The following DGKG variants were observed in gnomAD, a reference collection of about 807,000 sequenced individuals.
DGKG encodes diacylglycerol kinase gamma.
DGKG carries 78 observed loss-of-function variants against 105.3 expected under a neutral mutation model. The observed-to-expected ratio is 0.74, with a 90% CI of 0.62 to 0.89. The LOEUF (loss-of-function observed/expected upper bound fraction) is 0.89. Ranked by LOEUF, DGKG falls within the 40% of genes least tolerant of loss-of-function variation. The probability of loss-of-function intolerance (pLI) is 0.00; values close to 1 mark genes in which losing one functional copy is unlikely to be tolerated. For synonymous variants in DGKG, 346 were observed against 367.1 expected (o/e 0.94, Z 0.66); for missense variants, 958 against 1,020.1 (o/e 0.94, Z 0.83).
chr3:186,162,993 T>G (rs1227607088), intron 23 of DGKG, among the ~76,000 whole-genome samples: 3 of 152,082 alleles, frequency 2.0e-5, no homozygotes, highest in African/African-American at 4.8e-5. Context: ...GGCAAGGCTT[T>G]TCTGACCTTG....
At chr3:186,184,068 G>A (rs1717495279) in intron 22 of DGKG, among the ~76,000 whole-genome samples, 1 of 151,932 alleles carries the variant, frequency 6.6e-6, no homozygotes, top group African/African-American at 2.4e-5. Flanking sequence ...AACTTCAAAT[G>A]TGAATCAACT....
At chr3:186,288,934 A>G (rs1300333672) in intron 5 of DGKG, 54 bp from the exon 6 acceptor site, 20 of 1,477,598 alleles carry the variant, frequency 1.4e-5, no homozygotes, top group Non-Finnish European at 1.8e-5. Context: ...AGTAAATATT[A>G]ACCCCTCTTT....
intron 20 of DGKG, among the ~76,000 whole-genome samples, chr3:186,233,762 C>T (rs1434554106): frequency 2.6e-5 from 4 of 152,222 alleles, no homozygotes; most frequent in Non-Finnish European, 4.4e-5. Flanking sequence ...GGATTACAGG[C>T]GTGAGCCACC....
intron 1 of DGKG, among the ~76,000 whole-genome samples, chr3:186,323,318 A>G (rs1725171562): frequency 6.6e-6 from 1 of 152,224 alleles, no homozygotes; most frequent in Non-Finnish European, 1.5e-5. Flanking sequence ...TGCTGCTGCT[A>G]TCAATGAATG....
rs1436083869 is a variant in DGKG at position 186,306,901 on chromosome 3, C to T, written c.144G>A (p.Glu48=). The T allele has an allele frequency of 6.2e-7, 1 of 1,601,570 alleles. No homozygotes were observed. Among genetic ancestry groups the T allele is most frequent in the Non-Finnish European group, 8.6e-7 (1 of 1,169,118 alleles). ...GGSLKQYDPH[E]PISYDVFKLF... ...AGGCTTAAAATGGAAATGTTCTTACCTCATGTGGGTCATATTGTTTGAGGC... is the reference window on the plus strand; with the variant it reads ...AGGCTTAAAATGGAAATGTTCTTACTTCATGTGGGTCATATTGTTTGAGGC... Residue 48 remains glutamate (E), a splice_region_variant and synonymous_variant, in exon 3 of 25, where the codon GAG becomes GAA. Coordinates refer to ENST00000265022, the MANE Select transcript of DGKG (RefSeq NM_001346.3).
chr3:186,191,264 C>T (rs1447943531), intron 21 of DGKG, among the ~76,000 whole-genome samples: 1 of 152,228 alleles, frequency 6.6e-6, no homozygotes, highest in Non-Finnish European at 1.5e-5. Context: ...TCACCAATAT[C>T]TGTGTGCAAA....
At chr3:186,175,068 G>A (rs1717010393) in intron 22 of DGKG, among the ~76,000 whole-genome samples, 1 of 152,318 alleles carries the variant, frequency 6.6e-6, no homozygotes, top group South Asian at 2.1e-4. Flanking sequence ...GAATTGTGGT[G>A]TCTGTTCTGG....
At chr3:186,236,663 C>G (rs1031496531) in intron 20 of DGKG, among the ~76,000 whole-genome samples, 1 of 152,216 alleles carries the variant, frequency 6.6e-6, no homozygotes, top group African/African-American at 2.4e-5. Context: ...TTCTGGGGAG[C>G]CCCTCATCAG....
At chr3:186,339,953 T>C (rs758012139) in intron 1 of DGKG, among the ~76,000 whole-genome samples, 80 of 152,370 alleles carry the variant, frequency 5.3e-4, no homozygotes, top group Non-Finnish European at 9.7e-4. Flanking sequence ...GGAATAGTGG[T>C]ATCACCTTAC....
chr3:186,268,722 G>T, intron 12 of DGKG, 79 bp downstream of exon 12: 1 of 1,032,008 alleles, frequency 9.7e-7, no homozygotes, highest in South Asian at 1.3e-5. Flanking sequence ...CCCTCTGGCC[G>T]GATATTCACT....
intron 20 of DGKG, among the ~76,000 whole-genome samples, chr3:186,222,364 A>G (rs905785532): frequency 5.3e-5 from 8 of 152,184 alleles, no homozygotes; most frequent in African/African-American, 1.9e-4. Flanking sequence ...CGTTTTAGAG[A>G]GAGCTTACTG....
intron 1 of DGKG, among the ~76,000 whole-genome samples, chr3:186,357,179 A>G (rs1202248806): frequency 2.0e-5 from 3 of 152,128 alleles, no homozygotes; most frequent in Admixed American, 1.3e-4. Context: ...AGGCCACACT[A>G]TGGATGGGTT....
At chr3:186,357,498 T>C (rs1207467053) in intron 1 of DGKG, among the ~76,000 whole-genome samples, 1 of 152,214 alleles carries the variant, frequency 6.6e-6, no homozygotes, top group Non-Finnish European at 1.5e-5. Flanking sequence ...CTATCAGCTT[T>C]GTGACCATAG....
rs377182921 is a variant in DGKG, at chr3:186,268,854, T to C, written c.1063A>G (p.Ile355Val). 9.9e-6 allele frequency: 16 copies of C among 1,614,010 alleles called. No individual in the cohort carries two copies. The highest frequency in any genetic ancestry group is 3.3e-5 in the Admixed American group (2 of 60,010). The part of the protein sequence containing the change: ...SVKCDRCHKS[I>V]KCYQSVTARH... ...GCGGTGACACTCTGGTAGCACTTGA[T>C]ACTTTTGTGGCACCGGTCACACTTG... is the stretch of plus-strand genomic sequence containing the variant. Residue 355 changes from isoleucine to valine, a missense_variant, in exon 12 of 25, where the codon ATC becomes GTC. Around this residue, in one of 2 missense-constraint regions of DGKG, gnomAD observed 643 missense variants for 619.5 expected, o/e 1.04. Coordinates refer to ENST00000265022, the MANE Select transcript of DGKG (RefSeq NM_001346.3).
chr3:186,266,901 T>C (rs771074222), intron 13 of DGKG, among the ~76,000 whole-genome samples: 17 of 152,156 alleles, frequency 1.1e-4, no homozygotes, highest in Non-Finnish European at 2.2e-4. Context: ...CTGGCCTTTT[T>C]CTCAGGTTTT....
intron 20 of DGKG, among the ~76,000 whole-genome samples, chr3:186,234,030 G>A (rs1226845726): frequency 6.6e-6 from 1 of 152,192 alleles, no homozygotes; most frequent in African/African-American, 2.4e-5. Flanking sequence ...ACGTAAAATA[G>A]GAAAACTCAT....
Position 186,188,186 on chromosome 3 carries a change from C to T in DGKG, c.2095+16G>A, listed in dbSNP as rs1263365097. ...TGGGCATTGACCTAAAACAATTATC[C>T]TCATTCCTGGCTTACCTTGAACGCA... On this transcript the variant is annotated intron_variant, in intron 22 of 24. Coordinates refer to ENST00000265022, the MANE Select transcript of DGKG (RefSeq NM_001346.3). 2 of 1,613,858 alleles carry T rather than the reference C, an allele frequency of 1.2e-6. No homozygotes were observed. Among genetic ancestry groups the T allele is most frequent in the Non-Finnish European group, 1.7e-6 (2 of 1,179,904 alleles).
rs369559729 is a variant in DGKG at position 186,260,496 on chromosome 3, T to C, written c.1367A>G (p.His456Arg). 18 of 1,612,594 alleles carry C rather than the reference T, an allele frequency of 1.1e-5. No homozygotes were observed. The African/African-American group carries it at 1.9e-4, about 17-fold the overall frequency. The part of the protein sequence containing the change: ...RQGERILRKF[H>R]YLLNPKQVFN... ...AACTTGTTTGGGGTTGAGCAGATAG[T>C]GGAATTTCCGAAGAATTCTATGGAA... Residue 456 changes from histidine (H) to arginine (R), a missense_variant, in exon 16 of 25, where the codon CAC becomes CGC. By Grantham distance (29) the His-to-Arg change is conservative. Coordinates refer to ENST00000265022, the MANE Select transcript of DGKG (RefSeq NM_001346.3).
chr3:186,165,203 G>A (rs1241005974), intron 22 of DGKG, among the ~76,000 whole-genome samples, 185 bp from the exon 23 acceptor site: 1 of 152,164 alleles, frequency 6.6e-6, no homozygotes, highest in Admixed American at 6.5e-5. Context: ...CTTTTCATGA[G>A]GAGATGGTCA....
Sources: gnomAD v4.1 joint callset for allele counts (sites outside exome capture counted in the v4.1 genomes callset) on GRCh38, gnomAD v4.1.1 for gene constraint, gnomAD v4.1.1 regional missense constraint, MANE v1.5 for transcripts, NCBI Gene and HGNC (gene_info 2026-07-23, HGNC 2026-07-21) for gene names.